DMD: variants seen among roughly 807,000 people sequenced by gnomAD.
DMD encodes the protein mutant dystrophin.
Under a neutral mutation model 330.1 loss-of-function variants are expected in DMD, and 63 were observed. The ratio of observed to expected loss-of-function variants is 0.19; its 90% CI spans 0.16 to 0.24. The LOEUF is 0.24. DMD is among the 10% of genes least tolerant of loss of function. The pLI, the probability that DMD is intolerant of heterozygous loss-of-function variation, is 1.00. For synonymous variants in DMD, 1,223 were observed against 959.8 expected (o/e 1.27, Z -5.07); for missense variants, 3,344 against 2,684.1 (o/e 1.25, Z -5.43).
intron 9 of DMD, among the ~76,000 whole-genome samples, chrX:32,656,635 A>G (rs747356036): frequency 6.3e-5 from 7 of 111,948 alleles, no homozygotes; most frequent in African/African-American, 2.3e-4. Context: ...CTGTCTCTCT[A>G]AAACATACTC....
intron 59 of DMD, among the ~76,000 whole-genome samples, chrX:31,460,033 C>T (rs1488030130): frequency 8.9e-6 from 1 of 112,142 alleles, no homozygotes; most frequent in Non-Finnish European, 1.9e-5. Context: ...AGTTTCATGT[C>T]TCTTGTTTAA....
At chrX:31,500,377 T>C (rs7886606) in intron 56 of DMD, among the ~76,000 whole-genome samples, 1,869 of 112,235 alleles carry the variant, frequency 0.017, 36 homozygotes, top group African/African-American at 0.057. Flanking sequence ...TGATAAAGCA[T>C]TTATTAAAGC....
At chrX:33,160,681 C>T (rs773113542) in intron 1 of DMD, among the ~76,000 whole-genome samples, 8 of 111,876 alleles carry the variant, frequency 7.2e-5, no homozygotes, top group Admixed American at 5.7e-4. Context: ...AAATATGATA[C>T]CAATATCTGA....
At position 32,705,315 on chromosome X, in the gene DMD, G is replaced by A. The variant is rs968713183; in HGVS notation, c.650-6022C>T. The stretch of plus-strand genomic sequence containing the variant: ...GTAACAATGCTTCTCATTAAAGGAC[G>A]GTAAAATGTCATAATGGAAATAATT... On this transcript the variant is annotated intron_variant, in intron 7 of 78. Coordinates refer to ENST00000357033, the MANE Select transcript of DMD (RefSeq NM_004006.3). Among the ~76,000 whole-genome samples the A allele has an allele frequency of 2.7e-5, 3 of 111,535 alleles. No homozygotes were observed. The Admixed American group carries it at 2.9e-4, about 11-fold the overall frequency.
At chrX:32,508,915 A>G (rs897937601) in intron 18 of DMD, among the ~76,000 whole-genome samples, 7 of 109,739 alleles carry the variant, frequency 6.4e-5, no homozygotes, top group Non-Finnish European at 1.3e-4. Flanking sequence ...GGTTCACGCC[A>G]TTCTCCTTCC....
intron 15 of DMD, among the ~76,000 whole-genome samples, chrX:32,566,202 G>A (rs758483503): frequency 8.9e-6 from 1 of 111,946 alleles, no homozygotes; most frequent in Non-Finnish European, 1.9e-5. Flanking sequence ...GCAAAACAGA[G>A]ATCAACATGT....
At chrX:32,181,777 T>A (rs150496528) in intron 44 of DMD, among the ~76,000 whole-genome samples, 241 of 111,316 alleles carry the variant, frequency 2.2e-3, no homozygotes, top group African/African-American at 7.1e-3. Context: ...TATAGTATAT[T>A]TTCCATGTGA....
At chrX:32,178,971 T>TCTCTCTCC (rs1557194189) in intron 44 of DMD, among the ~76,000 whole-genome samples, 109 of 103,529 alleles carry the variant, frequency 1.1e-3, no homozygotes, top group Non-Finnish European at 1.3e-3. Flanking sequence ...TCTCTCTCTC[T>TCTCTCTCC]CTCTCTCTCT....
chrX:31,364,547 G>A lies in DMD; in HGVS notation c.9085-15913C>T, dbSNP rs73466399. ...AGCCTAATATACTTTATAATAAAGGGGAAACTACAGAAACATTTAAGAAAA... is the reference window on the plus strand; with the variant it reads ...AGCCTAATATACTTTATAATAAAGGAGAAACTACAGAAACATTTAAGAAAA... On this transcript the variant is annotated intron_variant, in intron 60 of 78. Transcript: ENST00000357033. Among the ~76,000 whole-genome samples, 806 of 111,838 alleles carry A rather than the reference G, an allele frequency of 7.2e-3. 7 individuals carry two copies. Among genetic ancestry groups the A allele is most frequent in the African/African-American group, 0.025 (761 of 30,784 alleles).
chrX:31,880,030 C>A (rs2094034340), intron 47 of DMD, among the ~76,000 whole-genome samples: 1 of 111,862 alleles, frequency 8.9e-6, no homozygotes, highest in African/African-American at 3.2e-5. Flanking sequence ...CTAAGCACAT[C>A]TTGACCTAAT....
chrX:32,365,325 T>A, intron 34 of DMD, 126 bp from the exon 35 acceptor site: 2 of 628,675 alleles, frequency 3.2e-6, no homozygotes, highest in African/African-American at 2.2e-5. Flanking sequence ...TATGTATTAA[T>A]GAATCATGAA....
chrX:31,813,046 T>C (rs2092510432), intron 50 of DMD, among the ~76,000 whole-genome samples: 1 of 112,090 alleles, frequency 8.9e-6, no homozygotes, highest in Non-Finnish European at 1.9e-5. Context: ...CTGTCAGTTG[T>C]ATCTCAGCAG....
chrX:32,481,960 A>T (rs2041943490), intron 21 of DMD, among the ~76,000 whole-genome samples: 1 of 111,704 alleles, frequency 9.0e-6, no homozygotes, highest in African/African-American at 3.2e-5. Context: ...AATGGTGTAG[A>T]ACAGAAGAGA....
chrX:32,427,050 C>A (rs1020047779), intron 29 of DMD, among the ~76,000 whole-genome samples: 1 of 111,487 alleles, frequency 9.0e-6, no homozygotes, highest in African/African-American at 3.3e-5. Flanking sequence ...ACCAACCCCC[C>A]ATGACACACT....
intron 48 of DMD, among the ~76,000 whole-genome samples, chrX:31,844,951 G>A (rs2125357): frequency 0.35 from 37,755 of 108,190 alleles, 5,586 homozygotes; most frequent in African/African-American, 0.55. Flanking sequence ...AAACCAAAAA[G>A]TTCATGTGAC....
chrX:32,826,566 G>A (rs1267335303), intron 4 of DMD, among the ~76,000 whole-genome samples: 1 of 111,459 alleles, frequency 9.0e-6, no homozygotes, highest in African/African-American at 3.3e-5. Flanking sequence ...TGAATCTAGA[G>A]TACGTTACGT....
intron 17 of DMD, 121 bp downstream of exon 17, chrX:32,545,038 C>T: frequency 1.5e-6 from 1 of 673,474 alleles, no homozygotes; most frequent in Non-Finnish European, 2.3e-6. Context: ...ACTACATTAA[C>T]TGACATTACA....
chrX:31,867,592 G>A (rs181123174), intron 48 of DMD, among the ~76,000 whole-genome samples: 1 of 111,417 alleles, frequency 9.0e-6, no homozygotes, highest in East Asian at 2.8e-4. Context: ...TAAAATGAAG[G>A]ATGTTAAAAA....
At chrX:32,500,645 G>C (rs1241218404) in intron 19 of DMD, among the ~76,000 whole-genome samples, 1 of 111,479 alleles carries the variant, frequency 9.0e-6, no homozygotes, top group African/African-American at 3.3e-5. Context: ...CTGTTAAGTT[G>C]ATCAGTTAAA....
Sources: allele counts gnomAD v4.1 joint callset (sites outside exome capture counted in the v4.1 genomes callset), GRCh38; gene constraint gnomAD v4.1.1; transcripts MANE v1.5; gene names NCBI Gene and HGNC (gene_info 2026-07-23, HGNC 2026-07-21).